MMP8: variants seen among roughly 807,000 people sequenced by gnomAD.
MMP8 encodes the protein matrix metallopeptidase 8.
MMP8 carries 67 observed loss-of-function variants against 51.2 expected under a neutral mutation model. The observed-to-expected ratio is 1.31, with a 90% CI of 1.08 to 1.60. The LOEUF is 1.60. MMP8 is among the 40% of genes most tolerant of loss of function. The pLI, the probability that MMP8 is intolerant of heterozygous loss-of-function variation, is 0.00. For synonymous variants in MMP8, 225 were observed against 191.0 expected (o/e 1.18, Z -1.47); for missense variants, 654 against 558.1 (o/e 1.17, Z -1.73).
At chr11:102,723,664 C>A in intron 1 of MMP8, 1 of 299,494 alleles carries the variant, frequency 3.3e-6, no homozygotes, top group Non-Finnish European at 6.7e-6. Context: ...TCCAGTTCTG[C>A]AAGAGCCAGA....
chr11:102,713,846 T>G lies in MMP8; in HGVS notation c.1202A>C (p.Gln401Pro). 1 of 1,609,530 alleles carries G rather than the reference T, an allele frequency of 6.2e-7. No individual in the cohort carries two copies. Among genetic ancestry groups the G allele is most frequent in the Non-Finnish European group, 8.5e-7 (1 of 1,178,128 alleles). ...ATAACCTGGCTCCATGAATTGTCTT[T>G]GGTTATCATATCTGGTAAAAACAAA... Reference protein sequence around the residue: ...VNDQFWRYDNQRQFMEPGYPK... With the variant: ...VNDQFWRYDNPRQFMEPGYPK... Residue 401 changes from glutamine (Q) to proline (P), a missense_variant, in exon 9 of 10, where the codon CAA becomes CCA. By Grantham distance (76) the Gln-to-Pro change is moderately conservative. Coordinates refer to ENST00000236826, the MANE Select transcript of MMP8 (RefSeq NM_002424.3).
At chr11:102,713,653 G>C (rs530442858) in intron 9 of MMP8, 101 bp downstream of exon 9, 1 of 1,122,988 alleles carries the variant, frequency 8.9e-7, no homozygotes, top group South Asian at 1.5e-5. Flanking sequence ...ATTGCTTGAG[G>C]CCAGGAGTTT....
chr11:102,714,152 C>T lies in MMP8; in HGVS notation c.1191-295G>A, dbSNP rs201538893. ...CTTAATTGGTATATAGTATAACTCC[C>T]TTGTGTGTGTATATAGATATATAAA... On this transcript the variant is annotated intron_variant, in intron 8 of 9. Transcript: ENST00000236826. 7.9e-5 allele frequency among the ~76,000 whole-genome samples: 12 copies of T among 152,264 alleles called. No homozygotes were observed. In the East Asian group the frequency reaches 2.3e-3, roughly 29 times the overall value.
At chr11:102,718,878 C>T (rs72975519) in intron 4 of MMP8, among the ~76,000 whole-genome samples, 2 of 152,324 alleles carry the variant, frequency 1.3e-5, no homozygotes, top group Admixed American at 6.5e-5. Context: ...GAAGTAATGG[C>T]AGAGCCGTCA....
rs769760021 is a variant in MMP8 at position 102,715,450 on chromosome 11, A to G, written c.903-13T>C. 3 of 1,608,194 alleles carry G rather than the reference A, an allele frequency of 1.9e-6. No individual in the cohort carries two copies. In the African/African-American group the frequency reaches 4.0e-5, roughly 22 times the overall value. ...TCTCCAGAAGTACCTAACGGAACAT[A>G]AGGAAACACACACACACACTTATAC... On this transcript the variant is annotated splice_polypyrimidine_tract_variant and intron_variant, in intron 6 of 9. Coordinates refer to ENST00000236826, the MANE Select transcript of MMP8 (RefSeq NM_002424.3).
Position 102,712,653 on chromosome 11 carries a change from C to T in MMP8, c.*695G>A, listed in dbSNP as rs184298873. ...TGCCTCTGTCTTCATACGGCCTCCT[C>T]CCCTAGGTGACTATGCCTCTCTTCT... is the stretch of plus-strand genomic sequence containing the variant. On this transcript the variant is annotated 3_prime_UTR_variant, in exon 10 of 10. Transcript: ENST00000236826. 1 of 152,266 alleles carries T rather than the reference C, an allele frequency of 6.6e-6. No individual in the cohort carries two copies. Among genetic ancestry groups the T allele is most frequent in the African/African-American group, 2.4e-5 (1 of 41,516 alleles). 9.4% of individuals were successfully genotyped at this position (152,266 alleles called of 1,614,324 possible).
At position 102,712,672 on chromosome 11, in the gene MMP8, CTCT is replaced by C. The variant is rs1861159721; in HGVS notation, c.*673_*675del. The C allele has an allele frequency of 1.3e-5, 2 of 152,298 alleles. No individual in the cohort carries two copies. The highest frequency in any genetic ancestry group is 1.9e-4 in the East Asian group (1 of 5,178). 9.4% of individuals were successfully genotyped at this position (152,298 alleles called of 1,614,324 possible). On this transcript the variant is annotated 3_prime_UTR_variant, in exon 10 of 10. Coordinates refer to ENST00000236826, the MANE Select transcript of MMP8 (RefSeq NM_002424.3). Reference sequence around the variant, plus strand: ...CCTCCTCCCCTAGGTGACTATGCCTCTCTTCTTCTTATAAGAACAACAGTCATA... The same window carrying C: ...CCTCCTCCCCTAGGTGACTATGCCTCTCTTCTTATAAGAACAACAGTCATA...
Position 102,722,604 on chromosome 11 carries a change from C to T in MMP8, c.172G>A (p.Val58Met), listed in dbSNP as rs772020726. The change falls in exon 2 of 10, where the codon GTG becomes ATG. Residue 58 changes from valine (V) to methionine (M), a missense_variant. Transcript: ENST00000236826. ...ATTTCTTTAAGCTTTTCAACGATCA[C>T]ATTAGTGCCATTCTTCCTTGTAGAC... ...YQSTRKNGTN[V>M]IVEKLKEMQR... 1.2e-6 allele frequency: 2 copies of T among 1,613,956 alleles called. No individual in the cohort carries two copies. Among genetic ancestry groups the T allele is most frequent in the Admixed American group, 1.7e-5 (1 of 59,978 alleles).
intron 2 of MMP8, 81 bp from the exon 3 acceptor site, chr11:102,721,843 A>T: frequency 1.3e-6 from 2 of 1,502,654 alleles, no homozygotes; most frequent in South Asian, 1.2e-5. Context: ...TCTGTTTTGA[A>T]GTGAGTTGCA....
chr11:102,718,895 T>C (rs1861387933), intron 4 of MMP8, among the ~76,000 whole-genome samples: 1 of 152,208 alleles, frequency 6.6e-6, no homozygotes, highest in African/African-American at 2.4e-5. Context: ...GTCATGACTT[T>C]GGGAACCCCT....
rs558722750 is a variant in MMP8, at chr11:102,722,202, C to G, written c.347+227G>C. 9.2e-5 allele frequency among the ~76,000 whole-genome samples: 14 copies of G among 152,106 alleles called. No homozygotes were observed. The South Asian group carries it at 2.5e-3, about 27-fold the overall frequency. On this transcript the variant is annotated intron_variant, in intron 2 of 9. Coordinates refer to ENST00000236826, the MANE Select transcript of MMP8 (RefSeq NM_002424.3). ...GAGACAGCCTAACATTGCTGGTAGTCCTCTTTAGATTGTTGGAGAAGGAAG... is the reference window on the plus strand; with the variant it reads ...GAGACAGCCTAACATTGCTGGTAGTGCTCTTTAGATTGTTGGAGAAGGAAG...
At chr11:102,714,531 T>C in intron 8 of MMP8, 25 bp downstream of exon 8, 1 of 1,398,176 alleles carries the variant, frequency 7.2e-7, no homozygotes, top group Middle Eastern at 2.0e-4. Flanking sequence ...TTTCAACCTA[T>C]AATTGAAAAA....
At chr11:102,718,914 G>T (rs1861388984) in intron 4 of MMP8, among the ~76,000 whole-genome samples, 1 of 152,130 alleles carries the variant, frequency 6.6e-6, no homozygotes. Flanking sequence ...CTCTTCTCTT[G>T]CATTCCCACA....
chr11:102,714,661 G>A lies in MMP8; in HGVS notation c.1085C>T (p.Pro362Leu). Reference sequence around the variant, plus strand: ...GAAGCCATAGTTTGATATATCCTTGGGATAACCTTGCAGAATATCATAGCC... The same window carrying A: ...GAAGCCATAGTTTGATATATCCTTGAGATAACCTTGCAGAATATCATAGCC... ...LSGYDILQGY[P>L]KDISNYGFPS... The change falls in exon 8 of 10, where the codon CCC becomes CTC. Residue 362 changes from proline (P) to leucine (L), a missense_variant. By Grantham distance (98) the Pro-to-Leu change is moderately conservative. Coordinates refer to ENST00000236826, the MANE Select transcript of MMP8 (RefSeq NM_002424.3). 6.5e-7 allele frequency: 1 copy of A among 1,547,866 alleles called. No homozygotes were observed. The highest frequency in any genetic ancestry group is 1.2e-5 in the South Asian group (1 of 80,536).
chr11:102,723,891 A>C (rs572699967), intron 1 of MMP8: 1 of 303,046 alleles, frequency 3.3e-6, no homozygotes, highest in African/African-American at 2.2e-5. Flanking sequence ...CTCTGCCATG[A>C]ATTAACTGTG....
chr11:102,713,952 A>G lies in MMP8; in HGVS notation c.1191-95T>C, dbSNP rs142195060. The G allele has an allele frequency of 3.0e-3, 2,313 of 761,446 alleles. 5 individuals are homozygous for G. The highest frequency in any genetic ancestry group is 3.9e-3 in the Non-Finnish European group (1,862 of 481,896). The allele number at this position is 761,446 out of a possible 1,614,324, so 47.2% of individuals were successfully genotyped here. On this transcript the variant is annotated intron_variant, in intron 8 of 9. Transcript: ENST00000236826. ...TATATAATTTACAAAGTCTCCTCAC[A>G]CATATTTTTTCATTCAGTTCTCACA... is the stretch of plus-strand genomic sequence containing the variant.
intron 6 of MMP8, 127 bp downstream of exon 6, chr11:102,716,175 A>G: frequency 3.0e-6 from 2 of 662,978 alleles, no homozygotes; most frequent in Non-Finnish European, 5.1e-6. Context: ...GAACCTATAA[A>G]AAATTCCGAT....
At chr11:102,723,832 G>C (rs1233591697) in intron 1 of MMP8, 2 of 244,772 alleles carry the variant, frequency 8.2e-6, no homozygotes, top group African/African-American at 4.5e-5. Context: ...AGGTGACACT[G>C]ACCAGATCAC....
At chr11:102,722,925 C>T in intron 1 of MMP8, 4 of 1,161,442 alleles carry the variant, frequency 3.4e-6, no homozygotes, top group South Asian at 1.3e-5. Flanking sequence ...TCACATCACA[C>T]AGGCAAAGTG....
Sources: gnomAD v4.1 joint callset for allele counts (sites outside exome capture counted in the v4.1 genomes callset) on GRCh38, gnomAD v4.1.1 for gene constraint, MANE v1.5 for transcripts, NCBI Gene and HGNC (gene_info 2026-07-23, HGNC 2026-07-21) for gene names.